Variants in GRK5 observed in about 807,000 individuals in gnomAD.
The protein encoded by GRK5 is g protein-coupled receptor kinase GRK5.
A neutral mutation model predicts 78.4 loss-of-function variants in GRK5; 40 were observed. The ratio of observed to expected loss-of-function variants is 0.51; its 90% CI spans 0.40 to 0.66. The LOEUF is 0.66. GRK5 is among the 30% of genes least tolerant of loss of function. GRK5 has a pLI of 0.00. For synonymous variants in GRK5, 289 were observed against 296.8 expected (o/e 0.97, Z 0.27); for missense variants, 598 against 759.9 (o/e 0.79, Z 2.50).
intron 2 of GRK5, among the ~76,000 whole-genome samples, chr10:119,331,689 G>A (rs1410912132): frequency 1.3e-5 from 2 of 152,224 alleles, no homozygotes; most frequent in Non-Finnish European, 2.9e-5. Flanking sequence ...ATGCCGCCAT[G>A]TCTGGATGGC....
intron 1 of GRK5, among the ~76,000 whole-genome samples, chr10:119,243,100 A>T (rs187499825): frequency 6.6e-6 from 1 of 152,186 alleles, no homozygotes; most frequent in Non-Finnish European, 1.5e-5. Context: ...TTAGCTGGAC[A>T]TGGAGGTGTG....
At chr10:119,277,143 G>A (rs796674404) in intron 1 of GRK5, among the ~76,000 whole-genome samples, 11 of 152,292 alleles carry the variant, frequency 7.2e-5, no homozygotes, top group African/African-American at 2.6e-4. Context: ...CATGGATCCA[G>A]AAGGTTGGCT....
chr10:119,429,226 C>T (rs1852767487), intron 6 of GRK5, among the ~76,000 whole-genome samples: 3 of 152,072 alleles, frequency 2.0e-5, no homozygotes, highest in Admixed American at 1.3e-4. Context: ...CAGAGAGTAC[C>T]CTGGCTTTTC....
intron 1 of GRK5, among the ~76,000 whole-genome samples, chr10:119,311,653 G>A (rs1447964838): frequency 1.3e-5 from 2 of 151,964 alleles, no homozygotes; most frequent in Non-Finnish European, 2.9e-5. Context: ...GGGCGTGGTG[G>A]TGCACACCTG....
chr10:119,297,221 T>C (rs1850097369), intron 1 of GRK5, among the ~76,000 whole-genome samples: 2 of 152,222 alleles, frequency 1.3e-5, no homozygotes, highest in Non-Finnish European at 2.9e-5. Flanking sequence ...TTGGGTGTAA[T>C]TTCAAAGTCA....
At chr10:119,241,940 C>T (rs913912611) in intron 1 of GRK5, among the ~76,000 whole-genome samples, 3 of 152,082 alleles carry the variant, frequency 2.0e-5, no homozygotes, top group Non-Finnish European at 2.9e-5. Flanking sequence ...GAGTTTTGGG[C>T]TTCTGGAGGG....
intron 3 of GRK5, among the ~76,000 whole-genome samples, chr10:119,389,485 C>G (rs892675789): frequency 6.6e-6 from 1 of 152,158 alleles, no homozygotes; most frequent in African/African-American, 2.4e-5. Context: ...GAAAAAGTGC[C>G]ACTTCTAAAA....
At chr10:119,273,275 C>G (rs1849614959) in intron 1 of GRK5, among the ~76,000 whole-genome samples, 1 of 152,098 alleles carries the variant, frequency 6.6e-6, no homozygotes, top group Non-Finnish European at 1.5e-5. Context: ...TGTTCTGAGG[C>G]TGGTGGTGTC....
chr10:119,309,867 A>G (rs537610397), intron 1 of GRK5, among the ~76,000 whole-genome samples: 28 of 152,314 alleles, frequency 1.8e-4, no homozygotes, highest in African/African-American at 6.5e-4. Flanking sequence ...TTAGGCTCAA[A>G]TCCCAGCTCA....
intron 1 of GRK5, among the ~76,000 whole-genome samples, chr10:119,209,943 C>G (rs1354136613): frequency 2.0e-5 from 3 of 152,142 alleles, no homozygotes; most frequent in African/African-American, 7.2e-5. Context: ...TCCACCCGCC[C>G]CCTCCAAATT....
At chr10:119,344,856 C>A (rs1033203388) in intron 2 of GRK5, among the ~76,000 whole-genome samples, 6 of 135,816 alleles carry the variant, frequency 4.4e-5, no homozygotes, top group Non-Finnish European at 8.5e-5. Context: ...CCTTGGCCAG[C>A]CAGCCACAAG....
At chr10:119,389,132 A>G (rs975807890) in intron 3 of GRK5, among the ~76,000 whole-genome samples, 1 of 152,258 alleles carries the variant, frequency 6.6e-6, no homozygotes, top group African/African-American at 2.4e-5. Context: ...GACTACAAAT[A>G]TGAGGTTACA....
At chr10:119,363,378 C>A (rs1851396232) in intron 2 of GRK5, among the ~76,000 whole-genome samples, 1 of 151,964 alleles carries the variant, frequency 6.6e-6, no homozygotes, top group South Asian at 2.1e-4. Flanking sequence ...CTAGATAGGT[C>A]ATACTATTAT....
rs1276312505 is a variant in GRK5 at position 119,336,604 on chromosome 10, G to A, written c.148+9993G>A. Among the ~76,000 whole-genome samples the A allele has an allele frequency of 6.6e-6, 1 of 152,200 alleles. No homozygotes were observed. The highest frequency in any genetic ancestry group is 6.5e-5 in the Admixed American group (1 of 15,284). On this transcript the variant is annotated intron_variant, in intron 2 of 15. Transcript: ENST00000392870. This position sits in a 1 kb window ranked among gnomAD's most constrained non-coding sequence, Gnocchi z 4.5. The stretch of plus-strand genomic sequence containing the variant: ...CTTTGTGCCCCCTGATGAGTCTGGG[G>A]CCCCTGAGAGGATGATCAGAATCTC...
At chr10:119,395,955 G>A (rs1056604241) in intron 3 of GRK5, among the ~76,000 whole-genome samples, 3 of 152,156 alleles carry the variant, frequency 2.0e-5, no homozygotes, top group Non-Finnish European at 4.4e-5. Context: ...CACTGCCCTG[G>A]CTCTTTCGAG....
intron 4 of GRK5, among the ~76,000 whole-genome samples, chr10:119,399,636 C>T (rs921272077): frequency 2.6e-5 from 4 of 152,186 alleles, no homozygotes; most frequent in South Asian, 2.1e-4. Flanking sequence ...ATGTCTCCCC[C>T]GGTAGATTCA....
At chr10:119,415,310 T>G (rs1852428693) in intron 4 of GRK5, among the ~76,000 whole-genome samples, 1 of 151,704 alleles carries the variant, frequency 6.6e-6, no homozygotes, top group African/African-American at 2.4e-5. Flanking sequence ...CAAGCAAAGG[T>G]CCAGTAGCCA....
intron 1 of GRK5, among the ~76,000 whole-genome samples, chr10:119,308,915 C>T (rs1489691129): frequency 2.0e-5 from 3 of 152,234 alleles, no homozygotes; most frequent in Non-Finnish European, 2.9e-5. Context: ...TCCCCACTTC[C>T]CAGACGGAGC....
At chr10:119,385,698 G>A (rs1424453179) in intron 3 of GRK5, among the ~76,000 whole-genome samples, 1 of 152,130 alleles carries the variant, frequency 6.6e-6, no homozygotes, top group African/African-American at 2.4e-5. Flanking sequence ...ATGGAAAGAT[G>A]GAGTAAGGAT....
Sources: gnomAD v4.1 joint callset for allele counts (sites outside exome capture counted in the v4.1 genomes callset) on GRCh38, gnomAD v4.1.1 for gene constraint, Gnocchi (gnomAD v3.1) non-coding constraint, MANE v1.5 for transcripts, NCBI Gene and HGNC (gene_info 2026-07-23, HGNC 2026-07-21) for gene names.